CACHD1: variants seen among roughly 807,000 people sequenced by gnomAD.
CACHD1 encodes the protein cache domain containing 1.
A neutral mutation model predicts 138.7 loss-of-function variants in CACHD1; 71 were observed. That is an observed-to-expected ratio of 0.51 (90% CI 0.42 to 0.62). The LOEUF (loss-of-function observed/expected upper bound fraction) is 0.62. CACHD1 is among the 20% of genes least tolerant of loss of function. CACHD1 has a pLI of 0.00. For missense variants in CACHD1, 1,389 were observed against 1,625.3 expected (o/e 0.85, Z 2.50); for synonymous variants, 578 against 591.5 (o/e 0.98, Z 0.33).
At chr1:64,623,426 A>G (rs1448913795) in intron 4 of CACHD1, among the ~76,000 whole-genome samples, 1 of 150,518 alleles carries the variant, frequency 6.6e-6, no homozygotes, top group Non-Finnish European at 1.5e-5. Flanking sequence ...GCATTAGAAG[A>G]AAATAAGATT....
intron 16 of CACHD1, among the ~76,000 whole-genome samples, chr1:64,671,088 T>C (rs1365887990): frequency 1.3e-5 from 2 of 152,212 alleles, no homozygotes; most frequent in African/African-American, 2.4e-5. Context: ...GACTAGACAT[T>C]GTTCCTCCTA....
intron 1 of CACHD1, among the ~76,000 whole-genome samples, chr1:64,511,235 A>T (rs1402080704): frequency 6.6e-6 from 1 of 152,146 alleles, no homozygotes; most frequent in African/African-American, 2.4e-5. Context: ...ATTTGATGTT[A>T]CTTCCTCTTA....
At chr1:64,630,366 G>T (rs566620227) in intron 5 of CACHD1, among the ~76,000 whole-genome samples, 1 of 150,162 alleles carries the variant, frequency 6.7e-6, no homozygotes, top group Non-Finnish European at 1.5e-5. Context: ...GCAATGGCAC[G>T]ATCTCAGCTC....
At chr1:64,652,041 TC>T in intron 9 of CACHD1, 119 bp from the exon 10 acceptor site, 1 of 862,648 alleles carries the variant, frequency 1.2e-6, no homozygotes. Context: ...GGGAAACTTT[TC>T]TTCCAAACAA....
intron 4 of CACHD1, among the ~76,000 whole-genome samples, chr1:64,603,420 A>G (rs1328626423): frequency 6.6e-6 from 1 of 152,126 alleles, no homozygotes; most frequent in East Asian, 1.9e-4. Context: ...TTAAGCTTCT[A>G]CTAGATAGCT....
chr1:64,502,790 C>T (rs866264436), intron 1 of CACHD1, among the ~76,000 whole-genome samples: 7 of 152,142 alleles, frequency 4.6e-5, no homozygotes, highest in Middle Eastern at 6.8e-3. Flanking sequence ...CAATTAAAAC[C>T]ACTTAACCTG....
intron 9 of CACHD1, among the ~76,000 whole-genome samples, chr1:64,649,277 G>C (rs1649013203): frequency 6.6e-6 from 1 of 152,096 alleles, no homozygotes; most frequent in African/African-American, 2.4e-5. Flanking sequence ...GTTCACTGCA[G>C]CCTCGACCTC....
chr1:64,488,656 A>G (rs180828585), intron 1 of CACHD1, among the ~76,000 whole-genome samples: 1 of 152,334 alleles, frequency 6.6e-6, no homozygotes, highest in Admixed American at 6.5e-5. Context: ...TACAAGACTG[A>G]GATCAAAATT....
intron 1 of CACHD1, among the ~76,000 whole-genome samples, chr1:64,514,960 T>G (rs1331771517): frequency 2.0e-5 from 3 of 152,208 alleles, no homozygotes; most frequent in African/African-American, 7.2e-5. Flanking sequence ...GAGCTCATAT[T>G]TGCCCCCTTG....
intron 2 of CACHD1, among the ~76,000 whole-genome samples, chr1:64,565,499 A>G (rs1646874728): frequency 6.6e-6 from 1 of 152,132 alleles, no homozygotes; most frequent in Non-Finnish European, 1.5e-5. Context: ...TGTTTCCTTG[A>G]TTGGAAATCA....
chr1:64,631,070 A>G (rs1648287591), intron 5 of CACHD1, among the ~76,000 whole-genome samples: 1 of 152,202 alleles, frequency 6.6e-6, no homozygotes, highest in Admixed American at 6.5e-5. Flanking sequence ...AGTGGTAGAT[A>G]CCAGTCATTC....
chr1:64,588,664 C>T (rs1226235010), intron 3 of CACHD1, among the ~76,000 whole-genome samples: 1 of 152,182 alleles, frequency 6.6e-6, no homozygotes, highest in Non-Finnish European at 1.5e-5. Context: ...AGGCATGAGC[C>T]ACCATGCTGG....
rs1646245836 is a variant in CACHD1, at chr1:64,486,779, G to A, written c.198+15837G>A. Among the ~76,000 whole-genome samples, 4 of 152,292 alleles carry A rather than the reference G, an allele frequency of 2.6e-5. No homozygotes were observed. The South Asian group carries it at 8.3e-4, about 32-fold the overall frequency. ...GGAGCTGGGAGCACACTGATGGATA[G>A]AACAGAGTCCCTGCCTTTAAGGAGC... is the stretch of plus-strand genomic sequence containing the variant. On this transcript the variant is annotated intron_variant, in intron 1 of 26. Coordinates refer to ENST00000651257, the MANE Select transcript of CACHD1 (RefSeq NM_020925.4).
intron 19 of CACHD1, among the ~76,000 whole-genome samples, chr1:64,673,726 G>A (rs1057260401): frequency 6.6e-6 from 1 of 152,164 alleles, no homozygotes; most frequent in Non-Finnish European, 1.5e-5. Context: ...CTTTCCCAAT[G>A]TAAGTCCTTT....
chr1:64,471,404 C>CCGCGTCCT (rs976252659), intron 1 of CACHD1, among the ~76,000 whole-genome samples: 45 of 152,364 alleles, frequency 3.0e-4, no homozygotes, highest in Middle Eastern at 3.4e-3. Flanking sequence ...ACCCCCTTGA[C>CCGCGTCCT]CGCGTCCTCG....
intron 3 of CACHD1, among the ~76,000 whole-genome samples, chr1:64,600,219 T>G (rs1647199135): frequency 6.6e-6 from 1 of 152,178 alleles, no homozygotes; most frequent in African/African-American, 2.4e-5. Context: ...CTTCGGTCTC[T>G]TTGAGACCTA....
intron 1 of CACHD1, among the ~76,000 whole-genome samples, chr1:64,533,112 T>C (rs1261595696): frequency 6.6e-6 from 1 of 152,148 alleles, no homozygotes; most frequent in African/African-American, 2.4e-5. Context: ...TCCCAGCATT[T>C]TGGGAGTCCG....
chr1:64,654,560 C>A, intron 11 of CACHD1, 126 bp from the exon 12 acceptor site: 1 of 685,346 alleles, frequency 1.5e-6, no homozygotes, highest in Non-Finnish European at 2.6e-6. Flanking sequence ...CCTTTCAAAA[C>A]TGATGAGCTT....
Position 64,632,022 on chromosome 1 carries a change from G to A in CACHD1, c.645-577G>A, listed in dbSNP as rs186345173. The stretch of plus-strand genomic sequence containing the variant: ...TATAGGCTGCCTCACTTCTAACCAA[G>A]CCCCACTCTGCAAGTCTGCAGAGGA... On this transcript the variant is annotated intron_variant, in intron 5 of 26. Transcript: ENST00000651257. Among the ~76,000 whole-genome samples the A allele has an allele frequency of 6.6e-5, 10 of 152,086 alleles. No homozygotes were observed. In the East Asian group the frequency reaches 2.0e-3, roughly 30 times the overall value.
Sources: allele counts gnomAD v4.1 joint callset (sites outside exome capture counted in the v4.1 genomes callset), GRCh38; gene constraint gnomAD v4.1.1; transcripts MANE v1.5; gene names NCBI Gene and HGNC (gene_info 2026-07-23, HGNC 2026-07-21).